The following MAN1A1 variants were observed in gnomAD, a reference collection of about 807,000 sequenced individuals.
MAN1A1 encodes mannosyl-oligosaccharide 1,2-alpha-mannosidase IA.
Under a neutral mutation model 70.8 loss-of-function variants are expected in MAN1A1, and 29 were observed. The ratio of observed to expected loss-of-function variants is 0.41; its 90% CI spans 0.31 to 0.56. The LOEUF (loss-of-function observed/expected upper bound fraction) is 0.56. Ranked by LOEUF, MAN1A1 falls within the 20% of genes least tolerant of loss-of-function variation. The pLI, the probability that MAN1A1 is intolerant of heterozygous loss-of-function variation, is 0.29. For synonymous variants in MAN1A1, 349 were observed against 330.1 expected, an observed-to-expected ratio of 1.06 and a Z score of -0.62; for missense variants, 747 against 841.3, an observed-to-expected ratio of 0.89 and a Z score of 1.39.
At chr6:119,220,316 C>T (rs1774323838) in intron 6 of MAN1A1, among the ~76,000 whole-genome samples, 1 of 143,320 alleles carries the variant, frequency 7.0e-6, no homozygotes, top group African/African-American at 2.6e-5. Flanking sequence ...AACTTGATAA[C>T]ACAGGAATTT....
chr6:119,345,196 G>C (rs199733387), intron 2 of MAN1A1, among the ~76,000 whole-genome samples: 18 of 123,312 alleles, frequency 1.5e-4, no homozygotes, highest in South Asian at 9.3e-4. Context: ...GGTTGAGGGG[G>C]GGGCGGAGCG....
chr6:119,278,722 C>T (rs1776146846), intron 5 of MAN1A1, among the ~76,000 whole-genome samples: 1 of 152,208 alleles, frequency 6.6e-6, no homozygotes, highest in Admixed American at 6.5e-5. Flanking sequence ...GTGGATCCCT[C>T]ATGAATGGCT....
intron 2 of MAN1A1, among the ~76,000 whole-genome samples, chr6:119,310,884 T>C (rs1378991140): frequency 6.6e-6 from 1 of 152,242 alleles, no homozygotes; most frequent in Non-Finnish European, 1.5e-5. Flanking sequence ...GTGAATCATC[T>C]TCCCTTTTCC....
chr6:119,266,341 C>T (rs1775753723), intron 5 of MAN1A1, among the ~76,000 whole-genome samples: 2 of 151,990 alleles, frequency 1.3e-5, no homozygotes, highest in South Asian at 4.1e-4. Flanking sequence ...TATAGAGATA[C>T]AGAAATGAAG....
At chr6:119,349,470 G>T in intron 1 of MAN1A1, 72 bp downstream of exon 1, 2 of 945,756 alleles carry the variant, frequency 2.1e-6, no homozygotes, top group Non-Finnish European at 2.5e-6. Context: ...AGGTCCCGTG[G>T]GTAGGGGAGG....
intron 6 of MAN1A1, among the ~76,000 whole-genome samples, chr6:119,241,118 A>C (rs1001081170): frequency 6.6e-6 from 1 of 152,168 alleles, no homozygotes; most frequent in African/African-American, 2.4e-5. Flanking sequence ...CTATGCTAAA[A>C]ATGCCTAAAG....
At chr6:119,333,058 T>C (rs1360492846) in intron 2 of MAN1A1, among the ~76,000 whole-genome samples, 2 of 152,150 alleles carry the variant, frequency 1.3e-5, no homozygotes, top group South Asian at 4.1e-4. Context: ...GTTTGGTTTA[T>C]TACCTTCAAA....
chr6:119,186,039 T>C lies in MAN1A1; in HGVS notation c.1719+2366A>G, dbSNP rs138631658. 2.3e-3 allele frequency among the ~76,000 whole-genome samples: 356 copies of C among 152,222 alleles called. 2 individuals are homozygous for C. Among genetic ancestry groups the C allele is most frequent in the Non-Finnish European group, 4.1e-3 (276 of 68,012 alleles). ...GAGGAAAGGAAGAGATGGCAGAACCTGCTGTCTTCGGATAATTGAGGAGCT... is the reference window on the plus strand; with the variant it reads ...GAGGAAAGGAAGAGATGGCAGAACCCGCTGTCTTCGGATAATTGAGGAGCT... On this transcript the variant is annotated intron_variant, in intron 11 of 12. Transcript: ENST00000368468.
At chr6:119,238,137 A>C (rs1582724714) in intron 6 of MAN1A1, among the ~76,000 whole-genome samples, 1 of 152,318 alleles carries the variant, frequency 6.6e-6, no homozygotes, top group Non-Finnish European at 1.5e-5. Context: ...TTCAATGTAT[A>C]AAAAGGTACC....
chr6:119,270,941 T>C (rs1055608644), intron 5 of MAN1A1, among the ~76,000 whole-genome samples: 1 of 152,218 alleles, frequency 6.6e-6, no homozygotes, highest in African/African-American at 2.4e-5. Flanking sequence ...TTTACTGTTT[T>C]CCTTGAACGA....
At position 119,344,739 on chromosome 6, in the gene MAN1A1, T is replaced by C. The variant is rs540404720; in HGVS notation, c.603+3724A>G. The stretch of plus-strand genomic sequence containing the variant: ...ACATCTGATCTTTACCAAAAGGGTA[T>C]AAACTGTCAATAGTTAATATAAATT... On this transcript the variant is annotated intron_variant, in intron 2 of 12. Transcript: ENST00000368468. Among the ~76,000 whole-genome samples, 3 of 152,364 alleles carry C rather than the reference T, an allele frequency of 2.0e-5. No homozygotes were observed. In the South Asian group the frequency reaches 6.2e-4, roughly 32 times the overall value.
chr6:119,331,096 TA>T lies in MAN1A1; in HGVS notation c.603+17366del, dbSNP rs534369882. On this transcript the variant is annotated intron_variant, in intron 2 of 12. Coordinates refer to ENST00000368468, the MANE Select transcript of MAN1A1 (RefSeq NM_005907.4). ...ATTTATTAAAGGAAAATATTAAAATTAAAAAAAAATTATTTGGGTTTGAATG... is the reference window on the plus strand; with the variant it reads ...ATTTATTAAAGGAAAATATTAAAATTAAAAAAAATTATTTGGGTTTGAATG... 4.7e-3 allele frequency among the ~76,000 whole-genome samples: 714 copies of T among 151,996 alleles called. 3 individuals carry two copies. The highest frequency in any genetic ancestry group is 8.6e-3 in the Non-Finnish European group (587 of 67,944).
At chr6:119,223,911 A>G (rs1277074577) in intron 6 of MAN1A1, among the ~76,000 whole-genome samples, 1 of 152,212 alleles carries the variant, frequency 6.6e-6, no homozygotes, top group Non-Finnish European at 1.5e-5. Flanking sequence ...AAAAGCAGGC[A>G]CAAACTAACA....
At chr6:119,269,971 A>G (rs978608699) in intron 5 of MAN1A1, among the ~76,000 whole-genome samples, 1 of 152,146 alleles carries the variant, frequency 6.6e-6, no homozygotes, top group Non-Finnish European at 1.5e-5. Context: ...TGAACTTATC[A>G]ATTTAAACGT....
At chr6:119,274,564 A>G (rs1051143149) in intron 5 of MAN1A1, among the ~76,000 whole-genome samples, 2 of 152,222 alleles carry the variant, frequency 1.3e-5, no homozygotes, top group African/African-American at 4.8e-5. Context: ...ATTGAAAATA[A>G]TATTTTTTTC....
chr6:119,271,660 T>C (rs7762546), intron 5 of MAN1A1, among the ~76,000 whole-genome samples: 124,874 of 150,138 alleles, frequency 0.83, 51,558 homozygotes, highest in Non-Finnish European at 0.87. Context: ...CCACTACACC[T>C]AGCTATTTTT....
intron 6 of MAN1A1, among the ~76,000 whole-genome samples, chr6:119,212,104 T>C (rs1438216655): frequency 6.6e-6 from 1 of 151,776 alleles, no homozygotes; most frequent in Non-Finnish European, 1.5e-5. Context: ...CCTCCCAAAG[T>C]GCTGGGATTA....
At chr6:119,180,517 AC>A in intron 11 of MAN1A1, 90 bp from the exon 12 acceptor site, 1 of 721,034 alleles carries the variant, frequency 1.4e-6, no homozygotes, top group East Asian at 2.7e-5. Flanking sequence ...TTCAGATAAA[AC>A]ATTTTTTTTT....
At chr6:119,256,247 T>A (rs1391063599) in intron 5 of MAN1A1, among the ~76,000 whole-genome samples, 6 of 152,204 alleles carry the variant, frequency 3.9e-5, no homozygotes, top group African/African-American at 1.4e-4. Context: ...TTTAAAAATC[T>A]AAATGTAGAA....
Sources: gnomAD v4.1 joint callset for allele counts (sites outside exome capture counted in the v4.1 genomes callset) on GRCh38, gnomAD v4.1.1 for gene constraint, MANE v1.5 for transcripts, NCBI Gene and HGNC (gene_info 2026-07-23, HGNC 2026-07-21) for gene names.